The following ATP6V1F variants were observed in gnomAD, a reference collection of about 807,000 sequenced individuals.
ATP6V1F encodes the protein V-type proton ATPase subunit F.
A neutral mutation model predicts 6.6 loss-of-function variants in ATP6V1F; 4 were observed. That is an observed-to-expected ratio of 0.60 (90% CI 0.30 to 1.38). The LOEUF is 1.38. Ranked by LOEUF, ATP6V1F falls within the 40% of genes most tolerant of loss-of-function variation. The probability of loss-of-function intolerance (pLI) is 0.08; values close to 1 mark genes in which losing one functional copy is unlikely to be tolerated. For missense variants in ATP6V1F, 136 were observed against 165.5 expected, an observed-to-expected ratio of 0.82 and a Z score of 0.98; for synonymous variants, 68 against 66.9, an observed-to-expected ratio of 1.02 and a Z score of -0.08.
In ATP6V1F at chr7:128,865,025, G is replaced by A. The variant is rs1809358257; in HGVS notation, c.159-352G>A. On this transcript the variant is annotated intron_variant, in intron 1 of 1. Coordinates refer to ENST00000249289, the MANE Select transcript of ATP6V1F (RefSeq NM_004231.4). The surrounding 1 kb of genome is among the most constrained non-coding windows in gnomAD (Gnocchi z 4.4). ...GCCTTCAGTATCTGCACATAAAAAG[G>A]GATCTGCATACATATAATCTTATCC... is the stretch of plus-strand genomic sequence containing the variant. The A allele has an allele frequency of 2.8e-6, 3 of 1,072,622 alleles. No homozygotes were observed. Among genetic ancestry groups the A allele is most frequent in the Non-Finnish European group, 4.1e-6 (3 of 727,000 alleles). 66.4% of individuals were successfully genotyped at this position (1,072,622 alleles called of 1,614,324 possible).
At chr7:128,864,213 G>T (rs1020069168) in intron 1 of ATP6V1F, among the ~76,000 whole-genome samples, 2 of 152,042 alleles carry the variant, frequency 1.3e-5, no homozygotes, top group East Asian at 1.9e-4. Context: ...GCGTGGTGGC[G>T]GGTGCCTGTA....
chr7:128,863,342 TCTC>T (rs1455965005), intron 1 of ATP6V1F, among the ~76,000 whole-genome samples: 2 of 152,148 alleles, frequency 1.3e-5, no homozygotes, highest in Admixed American at 6.5e-5. Context: ...TGTTCTGCTT[TCTC>T]CTCCTTTAGA....
rs754318572 is a variant in ATP6V1F at position 128,865,508 on chromosome 7, C to T, written c.290C>T (p.Pro97Leu). The change falls in exon 2 of 2, where the codon CCA (proline) becomes CTA (leucine). Residue 97 changes from proline to leucine, a missense_variant. Physicochemically the swap from Pro to Leu is moderately conservative, Grantham distance 98. Transcript: ENST00000249289. The surrounding 1 kb of genome is among the most constrained non-coding windows in gnomAD (Gnocchi z 4.4). ...CTGGAGATCCCCTCCAAGGAGCACCCATATGACGCCGCCAAGGACTCCATC... is the reference window on the plus strand; with the variant it reads ...CTGGAGATCCCCTCCAAGGAGCACCTATATGACGCCGCCAAGGACTCCATC... ...AVLEIPSKEH[P>L]YDAAKDSILR... 6.2e-7 allele frequency: 1 copy of T among 1,614,150 alleles called. No individual in the cohort carries two copies. Among genetic ancestry groups the T allele is most frequent in the Admixed American group, 1.7e-5 (1 of 60,030 alleles).
chr7:128,865,609 C>G lies in ATP6V1F; in HGVS notation c.*31C>G. ...TCCTCATAGCCCTCAGCCCTTCCCT[C>G]GTTTCCAGGCCTCTCCCCAGGCTTG... On this transcript the variant is annotated 3_prime_UTR_variant, in exon 2 of 2. Transcript: ENST00000249289. This position sits in a 1 kb window ranked among gnomAD's most constrained non-coding sequence, Gnocchi z 4.4. 6.3e-7 allele frequency: 1 copy of G among 1,584,732 alleles called. No homozygotes were observed. Among genetic ancestry groups the G allele is most frequent in the Non-Finnish European group, 8.6e-7 (1 of 1,161,434 alleles).
In ATP6V1F at chr7:128,865,268, G is replaced by A. The variant is rs577578327; in HGVS notation, c.159-109G>A. ...TTGTCCTCTGTGCCCTCTGGGTCAT[G>A]CTCATTCCCCTCCACAGCCCAGCCC... On this transcript the variant is annotated intron_variant, in intron 1 of 1. Transcript: ENST00000249289. The surrounding 1 kb of genome is among the most constrained non-coding windows in gnomAD (Gnocchi z 4.4). 4.5e-6 allele frequency: 7 copies of A among 1,566,154 alleles called. No homozygotes were observed. The East Asian group carries it at 1.6e-4, about 36-fold the overall frequency.
Position 128,865,038 on chromosome 7 carries a change from TATA to T in ATP6V1F, c.159-336_159-334del. On this transcript the variant is annotated intron_variant, in intron 1 of 1. Coordinates refer to ENST00000249289, the MANE Select transcript of ATP6V1F (RefSeq NM_004231.4). This position sits in a 1 kb window ranked among gnomAD's most constrained non-coding sequence, Gnocchi z 4.4. ...GCACATAAAAAGGGATCTGCATACA[TATA>T]ATCTTATCCTTCCCCTTTCTGACAC... is the stretch of plus-strand genomic sequence containing the variant. The T allele has an allele frequency of 8.4e-7, 1 of 1,191,178 alleles. No homozygotes were observed. The highest frequency in any genetic ancestry group is 1.2e-6 in the Non-Finnish European group (1 of 833,044). The allele number at this position is 1,191,178 out of a possible 1,614,324, so 73.8% of individuals were successfully genotyped here. A position where few individuals can be genotyped will look rare whatever the true frequency, so the allele number is the denominator to read the frequency against.
chr7:128,865,573 C>T lies in ATP6V1F; in HGVS notation c.355C>T (p.Arg119Cys), dbSNP rs532590560. ...GGGCATGTTCACTGCCGAAGACCTG[C>T]GCTAGGGGACTCCTCATAGCCCTCA... Reference protein sequence around the residue: ...ARGMFTAEDLR With the variant: ...ARGMFTAEDLC Residue 119 changes from arginine (R) to cysteine (C), a missense_variant, in exon 2 of 2, where the codon CGC becomes TGC. By Grantham distance (180) the Arg-to-Cys change is radical (BLOSUM62 -3). Coordinates refer to ENST00000249289, the MANE Select transcript of ATP6V1F (RefSeq NM_004231.4). This position sits in a 1 kb window ranked among gnomAD's most constrained non-coding sequence, Gnocchi z 4.4. The T allele has an allele frequency of 1.1e-5, 17 of 1,613,218 alleles. No individual in the cohort carries two copies. The highest frequency in any genetic ancestry group is 9.9e-5 in the South Asian group (9 of 90,970).
intron 1 of ATP6V1F, among the ~76,000 whole-genome samples, chr7:128,864,094 A>T (rs1809330187): frequency 2.6e-5 from 4 of 152,226 alleles, no homozygotes; most frequent in Admixed American, 2.6e-4. Flanking sequence ...CTGTAATCCC[A>T]ACAGTTTTGG....
chr7:128,865,583 C>T lies in ATP6V1F; in HGVS notation c.*5C>T, dbSNP rs765655655. On this transcript the variant is annotated 3_prime_UTR_variant, in exon 2 of 2. Transcript: ENST00000249289. This position sits in a 1 kb window ranked among gnomAD's most constrained non-coding sequence, Gnocchi z 4.4. The stretch of plus-strand genomic sequence containing the variant: ...ACTGCCGAAGACCTGCGCTAGGGGA[C>T]TCCTCATAGCCCTCAGCCCTTCCCT... 5 of 1,611,206 alleles carry T rather than the reference C, an allele frequency of 3.1e-6. No individual in the cohort carries two copies. Among genetic ancestry groups the T allele is most frequent in the Non-Finnish European group, 8.5e-7 (1 of 1,178,168 alleles).
In ATP6V1F at chr7:128,865,654, T is replaced by C; in HGVS notation, c.*76T>C. On this transcript the variant is annotated 3_prime_UTR_variant, in exon 2 of 2. Coordinates refer to ENST00000249289, the MANE Select transcript of ATP6V1F (RefSeq NM_004231.4). This position sits in a 1 kb window ranked among gnomAD's most constrained non-coding sequence, Gnocchi z 4.4. ...GGCTTGCCATCAGCCTTCTTTACTT[T>C]TTGAGCCTCTGATTTCCAATTCCCT... 3 of 1,438,856 alleles carry C rather than the reference T, an allele frequency of 2.1e-6. No homozygotes were observed. Among genetic ancestry groups the C allele is most frequent in the Non-Finnish European group, 2.8e-6 (3 of 1,065,646 alleles). 89.1% of individuals were successfully genotyped at this position (1,438,856 alleles called of 1,614,324 possible).
Position 128,865,171 on chromosome 7 carries a change from T to C in ATP6V1F, c.159-206T>C. 6.5e-7 allele frequency: 1 copy of C among 1,536,524 alleles called. No individual in the cohort carries two copies. ...TTGTAGAAGCCAACCCTAATCAGCG[T>C]GACCCTCCGCTTTGGGATGAAATTG... On this transcript the variant is annotated intron_variant, in intron 1 of 1. Coordinates refer to ENST00000249289, the MANE Select transcript of ATP6V1F (RefSeq NM_004231.4). This position sits in a 1 kb window ranked among gnomAD's most constrained non-coding sequence, Gnocchi z 4.4.
rs367963101 is a variant in ATP6V1F, at chr7:128,865,455, C to T, written c.237C>T (p.Asp79=). Residue 79 remains aspartate, a synonymous_variant, in exon 2 of 2, where the codon GAC becomes GAT. Coordinates refer to ENST00000249289, the MANE Select transcript of ATP6V1F (RefSeq NM_004231.4). The surrounding 1 kb of genome is among the most constrained non-coding windows in gnomAD (Gnocchi z 4.4). ...CAGAGATGGTGCGGCATGCCCTGGA[C>T]GCCCACCAGCAGTCCATCCCCGCTG... ...YIAEMVRHAL[D]AHQQSIPAVL... The T allele has an allele frequency of 6.7e-5, 108 of 1,614,170 alleles. No homozygotes were observed. The highest frequency in any genetic ancestry group is 3.3e-4 in the Middle Eastern group (2 of 6,062).
At position 128,865,132 on chromosome 7, in the gene ATP6V1F, C is replaced by T; in HGVS notation, c.159-245C>T. Reference sequence around the variant, plus strand: ...TCTTCATTACCAGTTCACTTGGAAGCCTTCCGGGCAGTGTTGTAGAAGCCA... The same window carrying T: ...TCTTCATTACCAGTTCACTTGGAAGTCTTCCGGGCAGTGTTGTAGAAGCCA... On this transcript the variant is annotated intron_variant, in intron 1 of 1. Transcript: ENST00000249289. This position sits in a 1 kb window ranked among gnomAD's most constrained non-coding sequence, Gnocchi z 4.4. 1 of 1,536,218 alleles carries T rather than the reference C, an allele frequency of 6.5e-7. No individual in the cohort carries two copies. The highest frequency in any genetic ancestry group is 1.7e-4 in the Middle Eastern group (1 of 5,990).
At position 128,865,702 on chromosome 7, in the gene ATP6V1F, G is replaced by C; in HGVS notation, c.*124G>C. The stretch of plus-strand genomic sequence containing the variant: ...CCTGCTCCTTCCCACTCCATTAAGA[G>C]GCTAGGTGAGGCGCTTCTAGGTTGC... On this transcript the variant is annotated 3_prime_UTR_variant, in exon 2 of 2. Transcript: ENST00000249289. The surrounding 1 kb of genome is among the most constrained non-coding windows in gnomAD (Gnocchi z 4.4). The C allele has an allele frequency of 9.3e-7, 1 of 1,073,436 alleles. No individual in the cohort carries two copies. The highest frequency in any genetic ancestry group is 1.3e-6 in the Non-Finnish European group (1 of 762,202). 66.5% of individuals were successfully genotyped at this position (1,073,436 alleles called of 1,614,324 possible).
In ATP6V1F at chr7:128,864,910, C is replaced by T. The variant is rs958389929; in HGVS notation, c.159-467C>T. Reference sequence around the variant, plus strand: ...GGAGATGGGGGTCTCACTATGTGGCCCATTCTGGTCTCAAACTCCTGGGTT... The same window carrying T: ...GGAGATGGGGGTCTCACTATGTGGCTCATTCTGGTCTCAAACTCCTGGGTT... On this transcript the variant is annotated intron_variant, in intron 1 of 1. Coordinates refer to ENST00000249289, the MANE Select transcript of ATP6V1F (RefSeq NM_004231.4). 6 of 552,708 alleles carry T rather than the reference C, an allele frequency of 1.1e-5. No individual in the cohort carries two copies. The Admixed American group carries it at 1.7e-4, about 16-fold the overall frequency. 34.2% of individuals were successfully genotyped at this position (552,708 alleles called of 1,614,324 possible). A position where few individuals can be genotyped will look rare whatever the true frequency, so the allele number is the denominator to read the frequency against.
intron 1 of ATP6V1F, 51 bp downstream of exon 1, chr7:128,863,113 G>A: frequency 6.3e-7 from 1 of 1,578,610 alleles, no homozygotes. Context: ...TCGGTGGAGT[G>A]CGGGGCGAGG....
intron 1 of ATP6V1F, among the ~76,000 whole-genome samples, chr7:128,864,277 G>A (rs1809334758): frequency 6.6e-6 from 1 of 151,834 alleles, no homozygotes; most frequent in Admixed American, 6.6e-5. Context: ...CTGGGAGGTG[G>A]AGACTGCAGT....
Position 128,865,833 on chromosome 7 carries a change from T to G in ATP6V1F, c.*255T>G. On this transcript the variant is annotated 3_prime_UTR_variant, in exon 2 of 2. Coordinates refer to ENST00000249289, the MANE Select transcript of ATP6V1F (RefSeq NM_004231.4). The surrounding 1 kb of genome is among the most constrained non-coding windows in gnomAD (Gnocchi z 4.4). The stretch of plus-strand genomic sequence containing the variant: ...TGTTGATGTTAAATTAAAGTCATAT[T>G]CTTGCTTCTCTCCAGATGGGTTGGG... The G allele has an allele frequency of 1.9e-6, 1 of 536,202 alleles. No homozygotes were observed. Among genetic ancestry groups the G allele is most frequent in the Non-Finnish European group, 3.3e-6 (1 of 301,984 alleles). 33.2% of individuals were successfully genotyped at this position (536,202 alleles called of 1,614,324 possible).
chr7:128,864,456 C>T (rs1202338724), intron 1 of ATP6V1F, among the ~76,000 whole-genome samples: 1 of 152,228 alleles, frequency 6.6e-6, no homozygotes, highest in African/African-American at 2.4e-5. Context: ...AAGGTGTCCT[C>T]TTCCTAGCTT....
Sources: allele counts gnomAD v4.1 joint callset (sites outside exome capture counted in the v4.1 genomes callset), GRCh38; gene constraint gnomAD v4.1.1; non-coding constraint Gnocchi (gnomAD v3.1); transcripts MANE v1.5; gene names NCBI Gene and HGNC (gene_info 2026-07-23, HGNC 2026-07-21).